The following CRACD variants were observed in gnomAD, a reference collection of about 807,000 sequenced individuals.
CRACD encodes the protein capping protein inhibiting regulator of actin dynamics, also known as capping protein-inhibiting regulator of actin dynamics.
In CRACD, 56 loss-of-function variants were observed where a neutral mutation model predicts 106.8. That is an observed-to-expected ratio of 0.52 (90% CI 0.42 to 0.66). The LOEUF (loss-of-function observed/expected upper bound fraction) is 0.66. CRACD is among the 30% of genes least tolerant of loss of function. CRACD has a pLI of 0.00. For synonymous variants in CRACD, 754 were observed against 670.8 expected (o/e 1.12, Z -1.92); for missense variants, 1,730 against 1,623.2 (o/e 1.07, Z -1.13).
At chr4:56,238,109 ACAAC>A (rs1323789214) in intron 2 of CRACD, among the ~76,000 whole-genome samples, 1 of 152,188 alleles carries the variant, frequency 6.6e-6, no homozygotes, top group Non-Finnish European at 1.5e-5. Context: ...ACTTAAAACA[ACAAC>A]CACATTTAAT....
rs142124735 is a variant in CRACD at position 56,188,711 on chromosome 4, C to CAGAGAGAG, written c.-189+9298_-189+9305dup. 1.8e-3 allele frequency among the ~76,000 whole-genome samples: 206 copies of CAGAGAGAG among 113,126 alleles called. 2 individuals are homozygous for CAGAGAGAG. The highest frequency in any genetic ancestry group is 0.012 in the East Asian group (49 of 4,086). 74.2% of individuals were successfully genotyped at this position (113,126 alleles called of 152,430 possible). A position where few individuals can be genotyped will look rare whatever the true frequency, so the allele number is the denominator to read the frequency against. ...TCACACACACACACACACACACACA[C>CAGAGAGAG]AGAGAGAGAGAGAGAGAGAGAGAGG... On this transcript the variant is annotated intron_variant, in intron 2 of 10. Transcript: ENST00000682029.
chr4:56,142,866 G>A (rs1735253704), intron 1 of CRACD, among the ~76,000 whole-genome samples: 1 of 151,924 alleles, frequency 6.6e-6, no homozygotes, highest in African/African-American at 2.4e-5. Flanking sequence ...AGATCTATTT[G>A]TGTATTTCCT....
At chr4:56,267,624 C>G (rs1742100364) in intron 2 of CRACD, among the ~76,000 whole-genome samples, 1 of 152,002 alleles carries the variant, frequency 6.6e-6, no homozygotes. Context: ...CTCTTTTTTT[C>G]TTACGGTAAG....
At chr4:56,239,395 G>C (rs1202051785) in intron 2 of CRACD, among the ~76,000 whole-genome samples, 7 of 151,878 alleles carry the variant, frequency 4.6e-5, no homozygotes, top group Non-Finnish European at 7.4e-5. Flanking sequence ...TTATTTCCTT[G>C]GGGAAACAAG....
At chr4:56,114,538 A>T (rs1034500814) in intron 1 of CRACD, among the ~76,000 whole-genome samples, 1 of 152,052 alleles carries the variant, frequency 6.6e-6, no homozygotes, top group African/African-American at 2.4e-5. Context: ...GTGACTTTGG[A>T]TAGATTATCT....
In CRACD at chr4:56,313,290, G is replaced by A. The variant is rs1354784196; in HGVS notation, c.448G>A (p.Ala150Thr). ...CTTAGATGCCATCCCCCTGGCCATC[G>A]CTCGCCTGGACAACAGTGCCGCCAA... ...VNLDAIPLAI[A>T]RLDNSAAKHK... The change falls in exon 7 of 11, where the codon GCT (alanine) becomes ACT (threonine). Residue 150 changes from alanine (A) to threonine (T), a missense_variant. Ala to Thr is a moderately conservative substitution (Grantham distance 58). This residue lies in a region of CRACD where 1,620 missense variants were observed against 1,481.6 expected (regional missense o/e 1.09). Coordinates refer to ENST00000682029, the MANE Select transcript of CRACD (RefSeq NM_001393381.1). 3.7e-6 allele frequency: 6 copies of A among 1,614,160 alleles called. No homozygotes were observed. Among genetic ancestry groups the A allele is most frequent in the Non-Finnish European group, 4.2e-6 (5 of 1,180,030 alleles).
At chr4:56,190,389 C>T (rs1414504043) in intron 2 of CRACD, among the ~76,000 whole-genome samples, 9 of 152,126 alleles carry the variant, frequency 5.9e-5, no homozygotes, top group Non-Finnish European at 1.0e-4. Flanking sequence ...CCTGAGGAAT[C>T]GCCACACTGA....
At position 56,199,115 on chromosome 4, in the gene CRACD, G is replaced by C. The variant is rs569790795; in HGVS notation, c.-189+19685G>C. ...CCACGAGTTCTTTAGGAGTGGTCTTGCCTGATACATATGTGTCACAGGTGT... is the reference window on the plus strand; with the variant it reads ...CCACGAGTTCTTTAGGAGTGGTCTTCCCTGATACATATGTGTCACAGGTGT... On this transcript the variant is annotated intron_variant, in intron 2 of 10. Transcript: ENST00000682029. Among the ~76,000 whole-genome samples, 21 of 152,172 alleles carry C rather than the reference G, an allele frequency of 1.4e-4. No homozygotes were observed. The South Asian group carries it at 2.5e-3, about 18-fold the overall frequency.
At chr4:56,202,634 G>A (rs1737938492) in intron 2 of CRACD, among the ~76,000 whole-genome samples, 1 of 152,032 alleles carries the variant, frequency 6.6e-6, no homozygotes, top group Non-Finnish European at 1.5e-5. Flanking sequence ...AAGTCTTTGA[G>A]GAACAAACTT....
chr4:56,173,404 A>G (rs182892432), intron 1 of CRACD, among the ~76,000 whole-genome samples: 2 of 152,354 alleles, frequency 1.3e-5, no homozygotes, highest in East Asian at 3.9e-4. Flanking sequence ...AAAGGAAATT[A>G]ATAGAGATGG....
Position 56,197,893 on chromosome 4 carries a change from G to C in CRACD, c.-189+18463G>C, listed in dbSNP as rs192044116. Among the ~76,000 whole-genome samples, 385 of 152,146 alleles carry C rather than the reference G, an allele frequency of 2.5e-3. 3 individuals carry two copies. Among genetic ancestry groups the C allele is most frequent in the African/African-American group, 8.8e-3 (365 of 41,502 alleles). On this transcript the variant is annotated intron_variant, in intron 2 of 10. Transcript: ENST00000682029. ...GGGGTTTCACCGTGTTAGCCAGGAT[G>C]GTCTCGATCTCCTGACCTTCTGATC...
At chr4:56,222,848 C>T (rs756867268) in intron 2 of CRACD, among the ~76,000 whole-genome samples, 10 of 151,768 alleles carry the variant, frequency 6.6e-5, no homozygotes, top group African/African-American at 2.2e-4. Context: ...GGGTGGTGTG[C>T]GCCTGTAATC....
chr4:56,192,304 G>C (rs1457127582), intron 2 of CRACD, among the ~76,000 whole-genome samples: 1 of 151,930 alleles, frequency 6.6e-6, no homozygotes, highest in Non-Finnish European at 1.5e-5. Context: ...AGGTGGAAGA[G>C]TTGTTTGGAC....
chr4:56,089,741 A>G (rs374394170), intron 1 of CRACD, among the ~76,000 whole-genome samples: 2 of 151,874 alleles, frequency 1.3e-5, no homozygotes, highest in East Asian at 3.9e-4. Context: ...TTGAACTCCC[A>G]ACCTCAGGTG....
chr4:56,084,121 T>C (rs1281429736), intron 1 of CRACD, among the ~76,000 whole-genome samples: 1 of 152,190 alleles, frequency 6.6e-6, no homozygotes, highest in African/African-American at 2.4e-5. Flanking sequence ...AGAGGCAACA[T>C]TATTGGGACC....
intron 1 of CRACD, among the ~76,000 whole-genome samples, chr4:56,098,974 C>CA: frequency 6.6e-6 from 1 of 152,268 alleles, no homozygotes; most frequent in East Asian, 1.9e-4. Context: ...CCATGGTGCC[C>CA]AGCCCGGGAT....
chr4:56,197,839 G>A (rs984470586), intron 2 of CRACD, among the ~76,000 whole-genome samples: 2 of 152,054 alleles, frequency 1.3e-5, no homozygotes, highest in African/African-American at 2.4e-5. Context: ...CATCACGCCC[G>A]GCTAATTTTT....
chr4:56,194,227 G>A (rs1199019033), intron 2 of CRACD, among the ~76,000 whole-genome samples: 1 of 152,136 alleles, frequency 6.6e-6, no homozygotes, highest in Non-Finnish European at 1.5e-5. Context: ...GCATTTGTAA[G>A]CCAGGCCCAG....
intron 1 of CRACD, among the ~76,000 whole-genome samples, chr4:56,125,857 C>T (rs933680365): frequency 3.4e-5 from 5 of 148,484 alleles, no homozygotes; most frequent in Admixed American, 2.1e-4. Context: ...CTGCAACCTC[C>T]GCCTCCCAGG....
Sources: allele counts gnomAD v4.1 joint callset (sites outside exome capture counted in the v4.1 genomes callset), GRCh38; gene constraint gnomAD v4.1.1; regional missense constraint gnomAD v4.1.1; transcripts MANE v1.5; gene names NCBI Gene and HGNC (gene_info 2026-07-23, HGNC 2026-07-21).